The following RASA3 variants were observed in gnomAD, a reference collection of about 807,000 sequenced individuals.
RASA3 encodes RAS p21 protein activator 3.
RASA3 carries 73 observed loss-of-function variants against 110.0 expected under a neutral mutation model. That is an observed-to-expected ratio of 0.66 (90% CI 0.55 to 0.81). The LOEUF (loss-of-function observed/expected upper bound fraction) is 0.81. Among genes scored for constraint, RASA3 ranks in the 30% least tolerant of loss-of-function variants. The pLI, the probability that RASA3 is intolerant of heterozygous loss-of-function variation, is 0.00. For synonymous variants in RASA3, 500 were observed against 451.4 expected, an observed-to-expected ratio of 1.11 and a Z score of -1.37; for missense variants, 976 against 1,113.2, an observed-to-expected ratio of 0.88 and a Z score of 1.75.
chr13:114,078,772 C>A (rs996293173), intron 1 of RASA3, among the ~76,000 whole-genome samples: 1 of 152,358 alleles, frequency 6.6e-6, no homozygotes, highest in African/African-American at 2.4e-5. Flanking sequence ...GAAGCTGCAC[C>A]CTCAGGGTGA....
chr13:114,027,102 G>A (rs1045006519), intron 7 of RASA3, among the ~76,000 whole-genome samples: 1 of 152,252 alleles, frequency 6.6e-6, no homozygotes, highest in Non-Finnish European at 1.5e-5. Flanking sequence ...CAGTTCGGGA[G>A]ACAACGAATG....
intron 2 of RASA3, among the ~76,000 whole-genome samples, chr13:114,067,856 C>G (rs1180956165): frequency 6.6e-6 from 1 of 152,212 alleles, no homozygotes; most frequent in African/African-American, 2.4e-5. Context: ...TCTAGAAGAT[C>G]TATCTGTTCC....
intron 20 of RASA3, 76 bp downstream of exon 20, chr13:113,999,509 C>T: frequency 8.2e-7 from 1 of 1,213,800 alleles, no homozygotes; most frequent in Admixed American, 1.7e-5. Context: ...GAGCCCAGGG[C>T]CAGGTACGGG....
At chr13:114,118,290 C>T (rs1006834431) in intron 1 of RASA3, among the ~76,000 whole-genome samples, 1 of 152,128 alleles carries the variant, frequency 6.6e-6, no homozygotes, top group Non-Finnish European at 1.5e-5. Flanking sequence ...CTCAGGCCCA[C>T]CCCCGCCTGT....
In RASA3 at chr13:114,007,603, A is replaced by G. The variant is rs1298527962; in HGVS notation, c.1672T>C (p.Leu558=). 1 of 1,612,150 alleles carries G rather than the reference A, an allele frequency of 6.2e-7. No homozygotes were observed. The highest frequency in any genetic ancestry group is 1.1e-5 in the South Asian group (1 of 91,058). The change falls in exon 18 of 24, where the codon TTG becomes CTG. Residue 558 remains leucine, a synonymous_variant. Coordinates refer to ENST00000334062, the MANE Select transcript of RASA3 (RefSeq NM_007368.4). ...CTCCCCGAGGACGAAATCAGATCCA[A>G]GAACTAAAGTTGGAAGAAATCAGGT... ...QKYADAVKNF[L]DLISSSGRRD... is the part of the protein sequence containing the mutation.
chr13:113,989,358 ACCATCTGTCCATCCACCCATCACTCAC>A (rs1594277506), intron 22 of RASA3, among the ~76,000 whole-genome samples: 1 of 77,768 alleles, frequency 1.3e-5, no homozygotes, highest in East Asian at 4.0e-4. Context: ...CCCATCTCTC[ACCATCTGTCCATCCACCCATCACTCAC>A]CCATCCGTCC....
chr13:114,037,065 C>T (rs546151169), intron 4 of RASA3, among the ~76,000 whole-genome samples: 2 of 152,328 alleles, frequency 1.3e-5, no homozygotes, highest in East Asian at 3.9e-4. Context: ...TCAGGATCCT[C>T]ATGTTCCGGA....
chr13:114,059,876 T>C (rs2079307594), intron 2 of RASA3, among the ~76,000 whole-genome samples: 1 of 152,224 alleles, frequency 6.6e-6, no homozygotes, highest in Non-Finnish European at 1.5e-5. Flanking sequence ...TAGCAGCCAA[T>C]GAAGCAAAGT....
intron 1 of RASA3, among the ~76,000 whole-genome samples, chr13:114,106,851 G>T (rs1352239339): frequency 1.3e-5 from 2 of 152,214 alleles, no homozygotes; most frequent in Non-Finnish European, 2.9e-5. Context: ...AGAAAGCTCT[G>T]CGTATGTTTA....
At chr13:114,071,287 C>G (rs1566550375) in intron 2 of RASA3, among the ~76,000 whole-genome samples, 1 of 152,166 alleles carries the variant, frequency 6.6e-6, no homozygotes, top group African/African-American at 2.4e-5. Context: ...CCGGCCAGAA[C>G]CATGATTTCT....
At chr13:114,037,547 A>AG (rs1436497112) in intron 4 of RASA3, among the ~76,000 whole-genome samples, 2 of 152,126 alleles carry the variant, frequency 1.3e-5, no homozygotes, top group African/African-American at 4.8e-5. Flanking sequence ...GAGGGGACGG[A>AG]GGTTCCGTTT....
chr13:114,017,008 G>C (rs531007721), intron 12 of RASA3, among the ~76,000 whole-genome samples: 2 of 152,358 alleles, frequency 1.3e-5, no homozygotes, highest in South Asian at 2.1e-4. Context: ...TTGTGGAGTG[G>C]TGGATTTTCT....
rs1001499784 is a variant in RASA3 at position 114,057,568 on chromosome 13, AG to A, written c.174-5414del. The stretch of plus-strand genomic sequence containing the variant: ...TTCCAGGGACAGTGGAGGCCCCCAC[AG>A]GAAGGAAACCTCTCCCCACAATGAC... On this transcript the variant is annotated intron_variant, in intron 2 of 23. Coordinates refer to ENST00000334062, the MANE Select transcript of RASA3 (RefSeq NM_007368.4). The surrounding 1 kb of genome is among the most constrained non-coding windows in gnomAD (Gnocchi z 5.0). The A allele has an allele frequency of 2.2e-5, 21 of 954,498 alleles. No individual in the cohort carries two copies. The African/African-American group carries it at 3.7e-4, about 17-fold the overall frequency. 59.1% of individuals were successfully genotyped at this position (954,498 alleles called of 1,614,324 possible). A position where few individuals can be genotyped will look rare whatever the true frequency, so the allele number is the denominator to read the frequency against.
At position 114,011,986 on chromosome 13, in the gene RASA3, AG is replaced by A. The variant is rs1477093505; in HGVS notation, c.1513-739del. Reference sequence around the variant, plus strand: ...CCTCTCGCCCTGGCCATCTCCTTCCAGCTCTGCCACCCGCACGTGCAACACG... The same window carrying A: ...CCTCTCGCCCTGGCCATCTCCTTCCACTCTGCCACCCGCACGTGCAACACG... On this transcript the variant is annotated intron_variant, in intron 15 of 23. Coordinates refer to ENST00000334062, the MANE Select transcript of RASA3 (RefSeq NM_007368.4). This position sits in a 1 kb window ranked among gnomAD's most constrained non-coding sequence, Gnocchi z 4.8. Among the ~76,000 whole-genome samples, 1 of 151,872 alleles carries A rather than the reference AG, an allele frequency of 6.6e-6. No homozygotes were observed. The highest frequency in any genetic ancestry group is 2.4e-5 in the African/African-American group (1 of 41,296).
intron 4 of RASA3, among the ~76,000 whole-genome samples, chr13:114,034,549 C>T (rs2054244519): frequency 6.6e-6 from 1 of 152,226 alleles, no homozygotes; most frequent in South Asian, 2.1e-4. Context: ...CAGCATGAAT[C>T]CCTCCTGACC....
chr13:114,049,568 CAT>C lies in RASA3; in HGVS notation c.277+2482_277+2483del, dbSNP rs140977247. 5.3e-5 allele frequency among the ~76,000 whole-genome samples: 8 copies of C among 152,378 alleles called. No individual in the cohort carries two copies. The East Asian group carries it at 1.3e-3, about 26-fold the overall frequency. ...TAGGGTTGTCGCTCAAAAAATGTCT[CAT>C]ACACCTTCGAGAACGAATCAAGTCC... On this transcript the variant is annotated intron_variant, in intron 3 of 23. Transcript: ENST00000334062.
chr13:114,018,249 C>T lies in RASA3; in HGVS notation c.946G>A (p.Val316Met), dbSNP rs776857082. The T allele has an allele frequency of 5.0e-5, 77 of 1,550,962 alleles. 1 individual carries two copies. The highest frequency in any genetic ancestry group is 6.2e-5 in the Non-Finnish European group (71 of 1,147,772). ...LLLKSADVEP[V>M]SASAAHILGE... ...AGGATGTGGGCCGCAGACGCTGACA[C>T]GGGCTGCGGGGAGGGGTGAGGTCAG... The change falls in exon 11 of 24, where the codon GTG becomes ATG. Residue 316 changes from valine (V) to methionine (M), a missense_variant. By Grantham distance (21) the Val-to-Met change is conservative. Around this residue, in one of 4 missense-constraint regions of RASA3, gnomAD observed 732 missense variants for 779.7 expected, o/e 0.94. Coordinates refer to ENST00000334062, the MANE Select transcript of RASA3 (RefSeq NM_007368.4).
rs774919695 is a variant in RASA3, at chr13:114,029,802, G to A, written c.449+9C>T. On this transcript the variant is annotated intron_variant, in intron 5 of 23. Transcript: ENST00000334062. ...TGTGCGCTCGGTCTCTAGTGAGGAC[G>A]TGTCTTACCGTGTGGCGAGCTTGTG... 2.1e-5 allele frequency: 34 copies of A among 1,589,044 alleles called. No individual in the cohort carries two copies. Among genetic ancestry groups the A allele is most frequent in the South Asian group, 3.4e-5 (3 of 87,146 alleles).
chr13:114,101,067 G>C (rs527712205), intron 1 of RASA3, among the ~76,000 whole-genome samples: 7 of 152,308 alleles, frequency 4.6e-5, no homozygotes, highest in African/African-American at 1.2e-4. Context: ...CGGGGGTGTA[G>C]GGACAGGGGC....
Sources: gnomAD v4.1 joint callset for allele counts (sites outside exome capture counted in the v4.1 genomes callset) on GRCh38, gnomAD v4.1.1 for gene constraint, gnomAD v4.1.1 regional missense constraint, Gnocchi (gnomAD v3.1) non-coding constraint, MANE v1.5 for transcripts, NCBI Gene and HGNC (gene_info 2026-07-23, HGNC 2026-07-21) for gene names.